Variants in FGGY observed in about 807,000 individuals in gnomAD.
FGGY encodes FGGY carbohydrate kinase domain-containing protein.
Under a neutral mutation model 71.3 loss-of-function variants are expected in FGGY, and 72 were observed. That is an observed-to-expected ratio of 1.01 (90% CI 0.84 to 1.23). The LOEUF (loss-of-function observed/expected upper bound fraction) is 1.23. Ranked by LOEUF, FGGY falls within the 50% of genes most tolerant of loss-of-function variation. The pLI is 0.00. For synonymous variants in FGGY, 251 were observed against 250.3 expected (o/e 1.00, Z -0.02); for missense variants, 668 against 682.3 (o/e 0.98, Z 0.23).
At chr1:59,736,941 G>C (rs1474669740) in intron 14 of FGGY, among the ~76,000 whole-genome samples, 1 of 152,194 alleles carries the variant, frequency 6.6e-6, no homozygotes, top group East Asian at 1.9e-4. Context: ...GGAAAAAGTG[G>C]TTTTGTAGGC....
intron 10 of FGGY, among the ~76,000 whole-genome samples, chr1:59,627,730 G>A (rs186808145): frequency 6.2e-4 from 94 of 151,772 alleles, no homozygotes; most frequent in Admixed American, 1.2e-3. Flanking sequence ...TCTACGCTGC[G>A]GCAGTAAAAT....
chr1:59,741,790 T>A (rs546885672), intron 14 of FGGY, among the ~76,000 whole-genome samples: 2 of 152,046 alleles, frequency 1.3e-5, no homozygotes, highest in Non-Finnish European at 2.9e-5. Flanking sequence ...TACAAAAAAA[T>A]TAGCCAGGCA....
At chr1:59,360,832 T>C (rs534078002) in intron 4 of FGGY, among the ~76,000 whole-genome samples, 46 of 152,264 alleles carry the variant, frequency 3.0e-4, no homozygotes, top group African/African-American at 1.0e-3. Flanking sequence ...TCCGGAAGAC[T>C]TGGGGAGAGG....
chr1:59,363,976 A>C (rs1216972096), intron 4 of FGGY, among the ~76,000 whole-genome samples: 2 of 152,204 alleles, frequency 1.3e-5, no homozygotes, highest in Non-Finnish European at 2.9e-5. Context: ...ATGAACAAGT[A>C]AGGATGCACA....
At chr1:59,690,531 G>A (rs190165887) in intron 14 of FGGY, among the ~76,000 whole-genome samples, 1 of 152,270 alleles carries the variant, frequency 6.6e-6, no homozygotes, top group East Asian at 1.9e-4. Context: ...CCTCTACACG[G>A]CCCTACCCCC....
chr1:59,506,864 A>T (rs550617980), intron 6 of FGGY, among the ~76,000 whole-genome samples: 5 of 152,184 alleles, frequency 3.3e-5, no homozygotes, highest in Admixed American at 2.6e-4. Context: ...AAAAGGAAAG[A>T]AAAAAGAAAT....
At chr1:59,536,978 T>G (rs1402510156) in intron 7 of FGGY, among the ~76,000 whole-genome samples, 3 of 151,992 alleles carry the variant, frequency 2.0e-5, no homozygotes, top group Non-Finnish European at 4.4e-5. Context: ...TTCAACATAG[T>G]GTTGGAAGTT....
At chr1:59,670,148 G>A (rs2097364906) in intron 13 of FGGY, among the ~76,000 whole-genome samples, 1 of 152,216 alleles carries the variant, frequency 6.6e-6, no homozygotes, top group Admixed American at 6.5e-5. Context: ...AAGTGCATCT[G>A]CCTTTGAATG....
chr1:59,466,537 G>A, intron 6 of FGGY, among the ~76,000 whole-genome samples: 1 of 152,128 alleles, frequency 6.6e-6, no homozygotes. Flanking sequence ...CTTCTGCACA[G>A]CAAAAGAAAC....
intron 8 of FGGY, among the ~76,000 whole-genome samples, chr1:59,597,514 A>C (rs1016338623): frequency 6.6e-6 from 1 of 152,180 alleles, no homozygotes; most frequent in Non-Finnish European, 1.5e-5. Flanking sequence ...TTTAAAAAAA[A>C]GTTAAACCCC....
chr1:59,677,299 A>G (rs1331880897), intron 14 of FGGY, among the ~76,000 whole-genome samples: 1 of 152,232 alleles, frequency 6.6e-6, no homozygotes, highest in Non-Finnish European at 1.5e-5. Context: ...TTTGCAGGGT[A>G]CCTGCCTTCC....
chr1:59,647,390 T>C (rs1056323262), intron 11 of FGGY, among the ~76,000 whole-genome samples: 23 of 152,192 alleles, frequency 1.5e-4, no homozygotes, highest in Non-Finnish European at 2.6e-4. Context: ...AATTCACCAA[T>C]AGAGTAAGGT....
intron 14 of FGGY, among the ~76,000 whole-genome samples, chr1:59,690,967 T>C (rs1034957136): frequency 1.3e-5 from 2 of 152,228 alleles, no homozygotes; most frequent in Non-Finnish European, 2.9e-5. Context: ...TACTAGTAAC[T>C]CAGTGGATGA....
intron 9 of FGGY, among the ~76,000 whole-genome samples, chr1:59,608,254 T>A (rs997492335): frequency 1.3e-5 from 2 of 152,180 alleles, no homozygotes; most frequent in Non-Finnish European, 2.9e-5. Flanking sequence ...CCTTGAGACA[T>A]GGCTCAGATA....
intron 4 of FGGY, among the ~76,000 whole-genome samples, chr1:59,362,813 G>C (rs1571005636): frequency 6.6e-6 from 1 of 152,156 alleles, no homozygotes; most frequent in Non-Finnish European, 1.5e-5. Flanking sequence ...CATATGCATA[G>C]ATTCTTTGTT....
At chr1:59,464,575 T>A (rs1230557260) in intron 6 of FGGY, among the ~76,000 whole-genome samples, 1 of 151,968 alleles carries the variant, frequency 6.6e-6, no homozygotes, top group Non-Finnish European at 1.5e-5. Flanking sequence ...AATCAATGAA[T>A]CTAGGAGCTG....
chr1:59,419,903 T>C (rs2065117460), intron 5 of FGGY, among the ~76,000 whole-genome samples: 1 of 152,154 alleles, frequency 6.6e-6, no homozygotes, highest in Non-Finnish European at 1.5e-5. Flanking sequence ...TGCAAACAAC[T>C]CTATGGTAAA....
At chr1:59,620,667 A>G (rs1407740155) in intron 9 of FGGY, among the ~76,000 whole-genome samples, 1 of 152,012 alleles carries the variant, frequency 6.6e-6, no homozygotes, top group Non-Finnish European at 1.5e-5. Context: ...TTGGCTTTCT[A>G]CACATCTTTT....
intron 7 of FGGY, among the ~76,000 whole-genome samples, chr1:59,553,258 T>C (rs1286868568): frequency 2.6e-5 from 4 of 152,336 alleles, no homozygotes; most frequent in African/African-American, 9.6e-5. Context: ...CAGCTTTGTG[T>C]TGTAGTCCTG....
Sources: gnomAD v4.1 joint callset for allele counts (sites outside exome capture counted in the v4.1 genomes callset) on GRCh38, gnomAD v4.1.1 for gene constraint, MANE v1.5 for transcripts, NCBI Gene and HGNC (gene_info 2026-07-23, HGNC 2026-07-21) for gene names.